Variants in KCND2 observed in about 807,000 individuals in gnomAD.
The protein encoded by KCND2 is A-type voltage-gated potassium channel KCND2.
KCND2 carries 16 observed loss-of-function variants against 54.4 expected under a neutral mutation model. The observed-to-expected ratio is 0.29, with a 90% CI of 0.20 to 0.45. The LOEUF is 0.45. Among genes scored for constraint, KCND2 ranks in the 20% least tolerant of loss-of-function variants. The probability of loss-of-function intolerance (pLI) is 1.00; values close to 1 mark genes in which losing one functional copy is unlikely to be tolerated. For synonymous variants in KCND2, 317 were observed against 310.7 expected, an observed-to-expected ratio of 1.02 and a Z score of -0.21; for missense variants, 486 against 824.2, an observed-to-expected ratio of 0.59 and a Z score of 5.02.
chr7:120,659,763 CT>C (rs1432050247), intron 1 of KCND2, among the ~76,000 whole-genome samples: 1 of 152,154 alleles, frequency 6.6e-6, no homozygotes, highest in Non-Finnish European at 1.5e-5. Context: ...TACTGAAGTC[CT>C]GTAGTCGGCC....
At chr7:120,315,657 G>T (rs374707452) in intron 1 of KCND2, among the ~76,000 whole-genome samples, 1 of 152,048 alleles carries the variant, frequency 6.6e-6, no homozygotes, top group East Asian at 1.9e-4. Context: ...ACTTGAAATA[G>T]TTCCCCTCTA....
intron 5 of KCND2, among the ~76,000 whole-genome samples, chr7:120,747,265 C>T (rs1793018851): frequency 3.9e-5 from 6 of 151,946 alleles, no homozygotes; most frequent in Admixed American, 3.9e-4. Context: ...CCCAAAAAGA[C>T]ATGAAAATAA....
intron 1 of KCND2, among the ~76,000 whole-genome samples, chr7:120,508,212 A>G (rs2116326928): frequency 6.6e-6 from 1 of 152,118 alleles, no homozygotes; most frequent in Non-Finnish European, 1.5e-5. Context: ...CTTATAATTA[A>G]AAAGAATCAC....
intron 1 of KCND2, among the ~76,000 whole-genome samples, chr7:120,485,862 G>A (rs1275477980): frequency 1.3e-5 from 2 of 152,096 alleles, no homozygotes; most frequent in East Asian, 3.8e-4. Context: ...TTGTGGTGGT[G>A]TTTACTGCAG....
chr7:120,366,470 A>G (rs1413335481), intron 1 of KCND2, among the ~76,000 whole-genome samples: 1 of 148,062 alleles, frequency 6.8e-6, no homozygotes, highest in African/African-American at 2.5e-5. Flanking sequence ...CTTGGGTGAC[A>G]GAGCAAGACT....
intron 1 of KCND2, among the ~76,000 whole-genome samples, chr7:120,695,999 A>C (rs1331716904): frequency 6.6e-6 from 1 of 152,218 alleles, no homozygotes; most frequent in Non-Finnish European, 1.5e-5. Context: ...TTCATATTAC[A>C]TCAATCCTTT....
chr7:120,690,485 G>T (rs1202124178), intron 1 of KCND2, among the ~76,000 whole-genome samples: 1 of 152,140 alleles, frequency 6.6e-6, no homozygotes, highest in African/African-American at 2.4e-5. Context: ...ACATGCTGAG[G>T]TCAGCTAGCA....
intron 1 of KCND2, among the ~76,000 whole-genome samples, chr7:120,442,164 A>C (rs1180647464): frequency 6.6e-6 from 1 of 152,104 alleles, no homozygotes; most frequent in Non-Finnish European, 1.5e-5. Context: ...ATCCCCCACG[A>C]ACTGCCCTAC....
At chr7:120,507,884 A>G (rs1163802867) in intron 1 of KCND2, among the ~76,000 whole-genome samples, 1 of 151,846 alleles carries the variant, frequency 6.6e-6, no homozygotes, top group African/African-American at 2.4e-5. Context: ...GTTGATTTTT[A>G]TGGCATTTCA....
At chr7:120,316,330 C>G (rs986031959) in intron 1 of KCND2, among the ~76,000 whole-genome samples, 1 of 152,180 alleles carries the variant, frequency 6.6e-6, no homozygotes, top group African/African-American at 2.4e-5. Flanking sequence ...CTATGTGATG[C>G]AGAGGCAATT....
chr7:120,587,453 T>C lies in KCND2; in HGVS notation c.1116-145450T>C, dbSNP rs185597293. Among the ~76,000 whole-genome samples the C allele has an allele frequency of 1.9e-3, 290 of 152,330 alleles. 1 individual carries two copies. The highest frequency in any genetic ancestry group is 6.8e-3 in the African/African-American group (282 of 41,582). On this transcript the variant is annotated intron_variant, in intron 1 of 5. Coordinates refer to ENST00000331113, the MANE Select transcript of KCND2 (RefSeq NM_012281.3). Reference sequence around the variant, plus strand: ...CAGCTATATAGTATTCTTCTTGATCTGTTTCATGATCAGTCAGAATGGTTT... The same window carrying C: ...CAGCTATATAGTATTCTTCTTGATCCGTTTCATGATCAGTCAGAATGGTTT...
intron 1 of KCND2, among the ~76,000 whole-genome samples, chr7:120,600,858 T>A (rs1460614938): frequency 5.3e-5 from 8 of 152,088 alleles, no homozygotes; most frequent in Non-Finnish European, 1.2e-4. Context: ...ACTCAATGAA[T>A]CAGTAAATCA....
chr7:120,683,005 T>TC, intron 1 of KCND2, among the ~76,000 whole-genome samples: 1 of 152,252 alleles, frequency 6.6e-6, no homozygotes, highest in Middle Eastern at 3.4e-3. Flanking sequence ...TCTAGAAGAC[T>TC]CCCCAACTAT....
intron 1 of KCND2, among the ~76,000 whole-genome samples, chr7:120,668,682 A>G (rs1791956651): frequency 6.6e-6 from 1 of 152,076 alleles, no homozygotes; most frequent in African/African-American, 2.4e-5. Context: ...GCAGGATTTG[A>G]TAGTATATGA....
At chr7:120,422,337 A>G (rs562913252) in intron 1 of KCND2, among the ~76,000 whole-genome samples, 1 of 152,192 alleles carries the variant, frequency 6.6e-6, no homozygotes, top group South Asian at 2.1e-4. Flanking sequence ...TCCAAATCCA[A>G]CTTTGAGCTG....
At chr7:120,415,014 A>G (rs1051003937) in intron 1 of KCND2, among the ~76,000 whole-genome samples, 6 of 152,248 alleles carry the variant, frequency 3.9e-5, no homozygotes, top group Middle Eastern at 6.8e-3. Flanking sequence ...TCAACCCCCA[A>G]TGAAGTCAAC....
chr7:120,706,345 A>T (rs2116049875), intron 1 of KCND2, among the ~76,000 whole-genome samples: 1 of 152,278 alleles, frequency 6.6e-6, no homozygotes, highest in Non-Finnish European at 1.5e-5. Flanking sequence ...GGTAATGAGT[A>T]AAGAACAGAA....
chr7:120,470,113 G>A (rs1802432895), intron 1 of KCND2, among the ~76,000 whole-genome samples: 1 of 152,070 alleles, frequency 6.6e-6, no homozygotes, highest in Admixed American at 6.6e-5. Flanking sequence ...TTAGTTGCAA[G>A]AAGATTAATA....
At chr7:120,329,974 C>T (rs1800038792) in intron 1 of KCND2, among the ~76,000 whole-genome samples, 2 of 152,128 alleles carry the variant, frequency 1.3e-5, no homozygotes, top group Admixed American at 1.3e-4. Context: ...TAATAGAATG[C>T]TCTTTTAATA....
Sources: gnomAD v4.1 joint callset for allele counts (sites outside exome capture counted in the v4.1 genomes callset) on GRCh38, gnomAD v4.1.1 for gene constraint, MANE v1.5 for transcripts, NCBI Gene and HGNC (gene_info 2026-07-23, HGNC 2026-07-21) for gene names.